Variants in ST3GAL3 observed in about 807,000 individuals in gnomAD.
ST3GAL3 encodes the protein ST3 beta-galactoside alpha-2,3-sialyltransferase 3.
Under a neutral mutation model 50.1 loss-of-function variants are expected in ST3GAL3, and 21 were observed. The ratio of observed to expected loss-of-function variants is 0.42; its 90% CI spans 0.30 to 0.60. The LOEUF (loss-of-function observed/expected upper bound fraction) is 0.60, where lower values mean the gene tolerates loss of function less well. ST3GAL3 is among the 20% of genes least tolerant of loss of function. The pLI, the probability that ST3GAL3 is intolerant of heterozygous loss-of-function variation, is 0.19. For synonymous variants in ST3GAL3, 183 were observed against 190.0 expected, an observed-to-expected ratio of 0.96 and a Z score of 0.30; for missense variants, 353 against 489.4, an observed-to-expected ratio of 0.72 and a Z score of 2.63.
chr1:43,910,297 C>T (rs1232360789), intron 9 of ST3GAL3, among the ~76,000 whole-genome samples: 1 of 152,244 alleles, frequency 6.6e-6, no homozygotes, highest in African/African-American at 2.4e-5. Context: ...CAGCTGCTAT[C>T]CCCAAACCTT....
At chr1:43,713,903 A>G (rs889791688) in intron 1 of ST3GAL3, among the ~76,000 whole-genome samples, 9 of 152,142 alleles carry the variant, frequency 5.9e-5, no homozygotes, top group Non-Finnish European at 1.2e-4. Context: ...TAAGTGATGG[A>G]TGATGCTAGG....
At chr1:43,892,189 T>A (rs2076778904) in intron 5 of ST3GAL3, among the ~76,000 whole-genome samples, 1 of 152,216 alleles carries the variant, frequency 6.6e-6, no homozygotes, top group Non-Finnish European at 1.5e-5. Context: ...GTGATCCGCC[T>A]GCCTTGGCCT....
intron 2 of ST3GAL3, among the ~76,000 whole-genome samples, chr1:43,776,333 C>CT (rs1398957699): frequency 6.6e-6 from 1 of 152,110 alleles, no homozygotes; most frequent in Non-Finnish European, 1.5e-5. Context: ...TTGTGACTGG[C>CT]TATATGGGTT....
chr1:43,736,623 C>T, intron 2 of ST3GAL3: 1 of 644,998 alleles, frequency 1.6e-6, no homozygotes. Flanking sequence ...TGAGAATGTG[C>T]TATTCTTCAA....
intron 5 of ST3GAL3, among the ~76,000 whole-genome samples, chr1:43,891,808 G>A (rs1307928928): frequency 6.6e-6 from 1 of 152,204 alleles, no homozygotes; most frequent in Admixed American, 6.5e-5. Flanking sequence ...GAGTTAGTGA[G>A]AGAAAGTTTA....
intron 5 of ST3GAL3, among the ~76,000 whole-genome samples, chr1:43,845,504 G>A (rs1183945692): frequency 2.4e-4 from 37 of 151,716 alleles, no homozygotes; most frequent in Non-Finnish European, 1.5e-5. Flanking sequence ...CCTGATATTC[G>A]TAATTTGCAT....
chr1:43,781,904 A>G (rs934735350), intron 2 of ST3GAL3, among the ~76,000 whole-genome samples: 14 of 152,182 alleles, frequency 9.2e-5, no homozygotes, highest in East Asian at 1.9e-4. Flanking sequence ...GCGGTTTGCC[A>G]GTTACCCATA....
At chr1:43,888,731 T>C (rs1031174451) in intron 5 of ST3GAL3, among the ~76,000 whole-genome samples, 1 of 152,212 alleles carries the variant, frequency 6.6e-6, no homozygotes. Context: ...CTATTTTTTT[T>C]CTATCAGACT....
At chr1:43,741,283 T>G (rs1191779306) in intron 2 of ST3GAL3, among the ~76,000 whole-genome samples, 1 of 152,174 alleles carries the variant, frequency 6.6e-6, no homozygotes, top group Non-Finnish European at 1.5e-5. Context: ...CAGTGAGCTG[T>G]GGTCACGCCA....
At chr1:43,915,885 G>A (rs1019983848) in intron 9 of ST3GAL3, among the ~76,000 whole-genome samples, 7 of 152,216 alleles carry the variant, frequency 4.6e-5, no homozygotes, top group African/African-American at 1.2e-4. Context: ...TTGGGAGGCC[G>A]AGGTGGGCGG....
intron 5 of ST3GAL3, among the ~76,000 whole-genome samples, chr1:43,872,631 CA>C (rs1193414861): frequency 6.6e-6 from 1 of 152,100 alleles, no homozygotes; most frequent in Non-Finnish European, 1.5e-5. Flanking sequence ...AGTCATTCAA[CA>C]AATACTTAGT....
intron 11 of ST3GAL3, chr1:43,922,369 G>A (rs1181418765): frequency 6.6e-6 from 1 of 152,216 alleles, no homozygotes; most frequent in African/African-American, 2.4e-5. Flanking sequence ...AGGCGTGGTG[G>A]TGGGCACCTG....
At chr1:43,714,405 C>T (rs990769632) in intron 1 of ST3GAL3, among the ~76,000 whole-genome samples, 12 of 131,872 alleles carry the variant, frequency 9.1e-5, no homozygotes, top group Non-Finnish European at 1.3e-4. Flanking sequence ...CTGGGCAACA[C>T]GGTGAAACCC....
At chr1:43,708,479 C>T (rs1662730582) in intron 1 of ST3GAL3, among the ~76,000 whole-genome samples, 1 of 152,058 alleles carries the variant, frequency 6.6e-6, no homozygotes, top group Non-Finnish European at 1.5e-5. Context: ...GATAGCTGGA[C>T]ATTAAGGTAG....
intron 11 of ST3GAL3, among the ~76,000 whole-genome samples, chr1:43,924,979 C>T (rs1036546155): frequency 2.0e-5 from 3 of 152,154 alleles, no homozygotes; most frequent in African/African-American, 7.2e-5. Flanking sequence ...ACTACACTCC[C>T]TGTAGAGTGC....
chr1:43,889,024 A>T (rs2076341472), intron 5 of ST3GAL3, among the ~76,000 whole-genome samples: 1 of 152,226 alleles, frequency 6.6e-6, no homozygotes, highest in African/African-American at 2.4e-5. Context: ...AAAAGACTGG[A>T]AACAACCCAG....
At position 43,748,361 on chromosome 1, in the gene ST3GAL3, A is replaced by G. The variant is rs572977803; in HGVS notation, c.118+11981A>G. Among the ~76,000 whole-genome samples the G allele has an allele frequency of 2.6e-5, 4 of 152,236 alleles. No homozygotes were observed. In the South Asian group the frequency reaches 8.3e-4, roughly 32 times the overall value. On this transcript the variant is annotated intron_variant, in intron 2 of 11. Coordinates refer to ENST00000347631, the MANE Select transcript of ST3GAL3 (RefSeq NM_006279.5). ...CTAAAGAGATTAAATAAAGACATCT[A>G]AATAAGGAGAGATTTATGATGCCTA...
chr1:43,777,800 T>C (rs1030776594), intron 2 of ST3GAL3, among the ~76,000 whole-genome samples: 1 of 152,116 alleles, frequency 6.6e-6, no homozygotes, highest in Non-Finnish European at 1.5e-5. Flanking sequence ...CAAAATAAAC[T>C]ATCATCAGAG....
At chr1:43,917,644 TATATA>T (rs1386942500) in intron 9 of ST3GAL3, among the ~76,000 whole-genome samples, 14 of 73,844 alleles carry the variant, frequency 1.9e-4, no homozygotes, top group East Asian at 1.7e-3. Flanking sequence ...TATAATATAA[TATATA>T]ATATAATATA....
Sources: allele counts gnomAD v4.1 joint callset (sites outside exome capture counted in the v4.1 genomes callset), GRCh38; gene constraint gnomAD v4.1.1; transcripts MANE v1.5; gene names NCBI Gene and HGNC (gene_info 2026-07-23, HGNC 2026-07-21).